COLEC11: variants seen among roughly 807,000 people sequenced by gnomAD.
COLEC11 encodes collectin-11.
A neutral mutation model predicts 27.3 loss-of-function variants in COLEC11; 20 were observed. The ratio of observed to expected loss-of-function variants is 0.73; its 90% CI spans 0.51 to 1.06. The LOEUF is 1.06. Ranked by LOEUF, COLEC11 falls within the 50% of genes least tolerant of loss-of-function variation. COLEC11 has a pLI of 0.00. For missense variants in COLEC11, 310 were observed against 383.0 expected (o/e 0.81, Z 1.59); for synonymous variants, 163 against 154.7 (o/e 1.05, Z -0.40).
chr2:3,626,205 C>T, intron 3 of COLEC11: 1 of 923,332 alleles, frequency 1.1e-6, no homozygotes, highest in Non-Finnish European at 1.8e-6. Flanking sequence ...AGCAGAAGCC[C>T]CATTTCTAGA....
rs1330327970 is a variant in COLEC11, at chr2:3,602,563, C to A, written c.-26-1752C>A. ...GGGGTCCAGCTGCCATCCTCGCCCG[C>A]TGTGCTGTTGTGGTCACCCTGGCTT... On this transcript the variant is annotated intron_variant, in intron 1 of 6. Transcript: ENST00000349077. This position sits in a 1 kb window ranked among gnomAD's most constrained non-coding sequence, Gnocchi z 6.2. Among the ~76,000 whole-genome samples the A allele has an allele frequency of 6.6e-6, 1 of 152,224 alleles. No homozygotes were observed. The highest frequency in any genetic ancestry group is 1.5e-5 in the Non-Finnish European group (1 of 68,036).
intron 1 of COLEC11, among the ~76,000 whole-genome samples, chr2:3,596,169 G>T (rs1661822753): frequency 6.6e-6 from 1 of 152,114 alleles, no homozygotes; most frequent in African/African-American, 2.4e-5. Flanking sequence ...CCGCGGTGGG[G>T]CTGGGGCAGT....
chr2:3,628,466 G>A (rs981881151), intron 3 of COLEC11, among the ~76,000 whole-genome samples: 1 of 152,236 alleles, frequency 6.6e-6, no homozygotes, highest in Non-Finnish European at 1.5e-5. Flanking sequence ...GCCAGCCTGG[G>A]CTGTCCCCAT....
At chr2:3,638,860 A>G (rs1665639604) in intron 4 of COLEC11, among the ~76,000 whole-genome samples, 1 of 152,240 alleles carries the variant, frequency 6.6e-6, no homozygotes. Flanking sequence ...TTAAGTGTAC[A>G]ATTCAGGGAC....
At chr2:3,637,732 T>A in intron 4 of COLEC11, 128 bp downstream of exon 4, 1 of 812,120 alleles carries the variant, frequency 1.2e-6, no homozygotes, top group Non-Finnish European at 2.1e-6. Context: ...GCATGGTAGA[T>A]AAGAAATCTA....
chr2:3,627,337 G>A (rs1029892524), intron 3 of COLEC11, among the ~76,000 whole-genome samples: 1 of 148,568 alleles, frequency 6.7e-6, no homozygotes, highest in African/African-American at 2.5e-5. Flanking sequence ...CATGACGATG[G>A]GGTGGATCTG....
chr2:3,628,369 A>G (rs1664715911), intron 3 of COLEC11, among the ~76,000 whole-genome samples: 2 of 152,340 alleles, frequency 1.3e-5, no homozygotes, highest in South Asian at 2.1e-4. Context: ...AGGTTTCTCC[A>G]GGGGCTCTCA....
At chr2:3,622,168 C>CAA (rs1211301931) in intron 3 of COLEC11, among the ~76,000 whole-genome samples, 5 of 85,488 alleles carry the variant, frequency 5.8e-5, no homozygotes, top group African/African-American at 8.4e-5. Flanking sequence ...GACTCCATCT[C>CAA]AAAAAAAAAA....
chr2:3,641,588 A>T (rs1352798515), intron 5 of COLEC11, among the ~76,000 whole-genome samples: 2 of 152,216 alleles, frequency 1.3e-5, no homozygotes, highest in Non-Finnish European at 2.9e-5. Flanking sequence ...TATTACCTCA[A>T]ACCTCAGCCA....
At chr2:3,638,661 G>A (rs1371841550) in intron 4 of COLEC11, among the ~76,000 whole-genome samples, 3 of 152,150 alleles carry the variant, frequency 2.0e-5, no homozygotes, top group Admixed American at 6.5e-5. Flanking sequence ...CCAGGAGAGC[G>A]ATGGGGAGGG....
chr2:3,617,290 C>A (rs555064624), intron 3 of COLEC11, among the ~76,000 whole-genome samples: 3 of 152,288 alleles, frequency 2.0e-5, no homozygotes, highest in African/African-American at 7.2e-5. Context: ...TGGTTTTATT[C>A]TAGATTTCAC....
rs1377899053 is a variant in COLEC11, at chr2:3,641,229, T to A, written c.328+898T>A. On this transcript the variant is annotated intron_variant, in intron 5 of 6. Transcript: ENST00000349077. ...GGCTGGATTTCTGAATAAAAGTCCT[T>A]GTTTTAAAAGCTCCTTCGGCACCGC... 2.3e-6 allele frequency: 3 copies of A among 1,304,244 alleles called. No individual in the cohort carries two copies. In the South Asian group the frequency reaches 3.7e-5, roughly 16 times the overall value. The allele number at this position is 1,304,244 out of a possible 1,614,324, so 80.8% of individuals were successfully genotyped here. A position where few individuals can be genotyped will look rare whatever the true frequency, so the allele number is the denominator to read the frequency against.
At chr2:3,608,036 G>A (rs1662873196) in intron 2 of COLEC11, among the ~76,000 whole-genome samples, 1 of 152,230 alleles carries the variant, frequency 6.6e-6, no homozygotes, top group Admixed American at 6.5e-5. Flanking sequence ...TGGCGTGACA[G>A]TCAAGCACTG....
At chr2:3,620,166 A>T (rs1664079688) in intron 3 of COLEC11, among the ~76,000 whole-genome samples, 2 of 152,030 alleles carry the variant, frequency 1.3e-5, no homozygotes, top group African/African-American at 2.4e-5. Flanking sequence ...TTTTTGGTAA[A>T]GTTTGGCATG....
intron 4 of COLEC11, 78 bp downstream of exon 4, chr2:3,637,682 G>A: frequency 1.8e-6 from 2 of 1,137,368 alleles, no homozygotes; most frequent in South Asian, 1.2e-5. Flanking sequence ...AATAATTGTA[G>A]CCTGAATTGT....
chr2:3,631,444 G>A (rs937320225), intron 3 of COLEC11, among the ~76,000 whole-genome samples: 9 of 152,140 alleles, frequency 5.9e-5, no homozygotes, highest in Non-Finnish European at 1.3e-4. Flanking sequence ...TGGCTCATCC[G>A]GTGGAGGGAG....
intron 1 of COLEC11, among the ~76,000 whole-genome samples, chr2:3,597,674 T>G (rs1201852253): frequency 7.0e-6 from 1 of 141,988 alleles, no homozygotes; most frequent in South Asian, 2.3e-4. Context: ...CCTGAGACAT[T>G]AAAAAAAAAA....
chr2:3,618,806 C>A (rs1663969686), intron 3 of COLEC11, among the ~76,000 whole-genome samples: 1 of 152,092 alleles, frequency 6.6e-6, no homozygotes, highest in South Asian at 2.1e-4. Flanking sequence ...TTCTTTTGAT[C>A]CACGAACAGA....
chr2:3,614,999 C>T (rs1270715063), intron 3 of COLEC11, among the ~76,000 whole-genome samples: 7 of 152,182 alleles, frequency 4.6e-5, no homozygotes, highest in Admixed American at 4.6e-4. Flanking sequence ...CCCAGCTAAA[C>T]TATCCATCAA....
Sources: allele counts gnomAD v4.1 joint callset (sites outside exome capture counted in the v4.1 genomes callset), GRCh38; gene constraint gnomAD v4.1.1; non-coding constraint Gnocchi (gnomAD v3.1); transcripts MANE v1.5; gene names NCBI Gene and HGNC (gene_info 2026-07-23, HGNC 2026-07-21).